Variants in DPP4 observed in about 807,000 individuals in gnomAD.
DPP4 encodes the protein dipeptidyl peptidase 4.
In DPP4, 93 loss-of-function variants were observed where a neutral mutation model predicts 122.4. The observed-to-expected ratio is 0.76, with a 90% confidence interval of 0.64 to 0.90. DPP4 has a LOEUF of 0.90. DPP4 is among the 40% of genes least tolerant of loss of function. The pLI is 0.00. For synonymous variants in DPP4, 321 were observed against 302.9 expected, an observed-to-expected ratio of 1.06 and a Z score of -0.62; for missense variants, 914 against 907.3, an observed-to-expected ratio of 1.01 and a Z score of -0.09.
chr2:162,049,764 T>G (rs1397519685), intron 2 of DPP4, among the ~76,000 whole-genome samples: 1 of 152,184 alleles, frequency 6.6e-6, no homozygotes, highest in African/African-American at 2.4e-5. Context: ...AAATACAGGT[T>G]CAAGTTGTAG....
chr2:162,028,072 C>CAA (rs1218962922), intron 10 of DPP4, among the ~76,000 whole-genome samples: 1 of 145,738 alleles, frequency 6.9e-6, no homozygotes, highest in Non-Finnish European at 1.5e-5. Context: ...AAAAAAAAAA[C>CAA]AAAAAACTGC....
At chr2:162,036,064 T>G (rs1219609294) in intron 8 of DPP4, among the ~76,000 whole-genome samples, 1 of 152,190 alleles carries the variant, frequency 6.6e-6, no homozygotes, top group South Asian at 2.1e-4. Context: ...ATGATTATTA[T>G]GGGGTCTATA....
chr2:162,038,563 C>A, intron 7 of DPP4, 141 bp from the exon 8 acceptor site: 1 of 896,588 alleles, frequency 1.1e-6, no homozygotes, highest in South Asian at 1.7e-5. Flanking sequence ...TCATTTACTC[C>A]TTCCCTCTCA....
At chr2:162,051,693 G>A (rs1684388698) in intron 2 of DPP4, among the ~76,000 whole-genome samples, 1 of 152,172 alleles carries the variant, frequency 6.6e-6, no homozygotes, top group Non-Finnish European at 1.5e-5. Flanking sequence ...ACACAGGGGT[G>A]GTGGAGGAAA....
chr2:162,035,257 T>C lies in DPP4; in HGVS notation c.681A>G (p.Gln227=). 3 of 1,614,022 alleles carry C rather than the reference T, an allele frequency of 1.9e-6. No homozygotes were observed. The highest frequency in any genetic ancestry group is 1.1e-5 in the South Asian group (1 of 91,072). Residue 227 remains glutamine (Q), a synonymous_variant, in exon 9 of 26, where the codon CAA becomes CAG. Coordinates refer to ENST00000360534, the MANE Select transcript of DPP4 (RefSeq NM_001935.4). ...SPNGTFLAYA[Q]FNDTEVPLIE... ...TAAGTGGGACTTCTGTGTCGTTAAA[T>C]TGGGCATATGCTAAAAAAGTGCCGT...
Position 161,995,331 on chromosome 2 carries a change from A to G in DPP4, c.2094T>C (p.Val698=), listed in dbSNP as rs750468748. The G allele has an allele frequency of 1.2e-6, 2 of 1,614,076 alleles. No individual in the cohort carries two copies. The highest frequency in any genetic ancestry group is 4.5e-5 in the East Asian group (2 of 44,890). Residue 698 remains valine (V), a synonymous_variant, in exon 24 of 26, where the codon GTT becomes GTC. Coordinates refer to ENST00000360534, the MANE Select transcript of DPP4 (RefSeq NM_001935.4). ...VMSRAENFKQ[V]EYLLIHGTAD... is the part of the protein sequence containing the mutation. ...CTGTTCCATGAATAAGGAGGTACTC[A>G]ACTTGTTTAAAATTTTCAGCTCTGC... is the stretch of plus-strand genomic sequence containing the variant.
chr2:162,003,171 G>C (rs1482628260), intron 23 of DPP4, among the ~76,000 whole-genome samples: 1 of 152,204 alleles, frequency 6.6e-6, no homozygotes, highest in Non-Finnish European at 1.5e-5. Flanking sequence ...TGAAGTGAAA[G>C]AGTGACTTTG....
In DPP4 at chr2:162,073,380, T is replaced by G. The variant is rs201960249; in HGVS notation, c.94+19A>C. ...CTGAGCTCCAACTGTCCTATCTTTT[T>G]CAAATGTTTCAAACTTACTGCCTTT... is the stretch of plus-strand genomic sequence containing the variant. On this transcript the variant is annotated intron_variant, in intron 2 of 25. Coordinates refer to ENST00000360534, the MANE Select transcript of DPP4 (RefSeq NM_001935.4). 6.2e-7 allele frequency: 1 copy of G among 1,613,470 alleles called. No individual in the cohort carries two copies. The highest frequency in any genetic ancestry group is 2.2e-5 in the East Asian group (1 of 44,880).
At chr2:162,013,096 AT>A (rs1419618876) in intron 19 of DPP4, among the ~76,000 whole-genome samples, 2 of 152,054 alleles carry the variant, frequency 1.3e-5, no homozygotes, top group South Asian at 2.1e-4. Flanking sequence ...AGGTATATAT[AT>A]CAAGTTCCCT....
rs138320647 is a variant in DPP4, at chr2:162,033,862, GTATATATA to G, written c.775-217_775-210del. On this transcript the variant is annotated intron_variant, in intron 9 of 25. Transcript: ENST00000360534. Reference sequence around the variant, plus strand: ...ATGGTCAGGCAGAAACAGAATATGTGTATATATATATATATATATATATATATATATAC... The same window carrying G: ...ATGGTCAGGCAGAAACAGAATATGTGTATATATATATATATATATATATAC... 8.3e-3 allele frequency among the ~76,000 whole-genome samples: 864 copies of G among 104,036 alleles called. 8 individuals are homozygous for G. The highest frequency in any genetic ancestry group is 0.011 in the Non-Finnish European group (614 of 53,562). The allele number at this position is 104,036 out of a possible 152,430, so 68.3% of individuals were successfully genotyped here.
chr2:161,994,866 G>T, intron 25 of DPP4, 95 bp downstream of exon 25: 2 of 1,194,480 alleles, frequency 1.7e-6, no homozygotes, highest in Non-Finnish European at 2.5e-6. Flanking sequence ...TTTTTATTCT[G>T]TCCTGTCTGT....
intron 5 of DPP4, among the ~76,000 whole-genome samples, chr2:162,039,696 C>A (rs1304280423): frequency 6.6e-6 from 1 of 151,826 alleles, no homozygotes; most frequent in Non-Finnish European, 1.5e-5. Flanking sequence ...TTTTAACAAC[C>A]ATCTCAAAAA....
At chr2:162,045,786 C>T (rs528873779) in intron 4 of DPP4, among the ~76,000 whole-genome samples, 174 bp from the exon 5 acceptor site, 74 of 152,128 alleles carry the variant, frequency 4.9e-4, no homozygotes, top group East Asian at 1.7e-3. Flanking sequence ...AGGTAGGTGG[C>T]GATCAATGTT....
rs377724471 is a variant in DPP4, at chr2:162,046,986, G to A, written c.214C>T (p.Gln72Ter). 1 of 1,589,934 alleles carries A rather than the reference G, an allele frequency of 6.3e-7. No homozygotes were observed. Among genetic ancestry groups the A allele is most frequent in the African/African-American group, 1.3e-5 (1 of 74,288 alleles). Residue 72 changes from glutamine (Q) to a stop codon, truncating the protein, a stop_gained, in exon 4 of 26, where the codon CAA becomes TAA. Coordinates refer to ENST00000360534, the MANE Select transcript of DPP4 (RefSeq NM_001935.4). LOFTEE classifies it high-confidence loss of function. ...WISDHEYLYK[Q>*]ENNILVFNAE... ...TTGAATACCAAGATATTATTTTCTT[G>A]TTTGTAGAGATATTCATGATCTAAA...
chr2:161,998,710 G>A (rs1368758209), intron 23 of DPP4, among the ~76,000 whole-genome samples: 1 of 152,082 alleles, frequency 6.6e-6, no homozygotes, highest in African/African-American at 2.4e-5. Flanking sequence ...TAAATGGAGT[G>A]AATACAGGCT....
intron 2 of DPP4, among the ~76,000 whole-genome samples, chr2:162,050,950 G>A (rs1684362062): frequency 6.6e-6 from 1 of 152,158 alleles, no homozygotes; most frequent in Non-Finnish European, 1.5e-5. Context: ...AGTTCGGCCT[G>A]GGACATGTTC....
At chr2:162,029,971 C>T (rs1683484058) in intron 10 of DPP4, among the ~76,000 whole-genome samples, 1 of 152,158 alleles carries the variant, frequency 6.6e-6, no homozygotes, top group African/African-American at 2.4e-5. Context: ...ATCCATCCAT[C>T]CTCTGCTTAT....
intron 2 of DPP4, among the ~76,000 whole-genome samples, chr2:162,064,125 C>T (rs560355629): frequency 9.9e-5 from 15 of 152,202 alleles, no homozygotes; most frequent in Non-Finnish European, 1.3e-4. Context: ...AAACAGGAAG[C>T]CAGGTCCTTA....
chr2:162,062,153 A>C (rs1434400672), intron 2 of DPP4, among the ~76,000 whole-genome samples: 2 of 151,484 alleles, frequency 1.3e-5, no homozygotes, highest in Admixed American at 6.6e-5. Context: ...GTGGTGGTGC[A>C]CACCTATAGT....
Sources: allele counts gnomAD v4.1 joint callset (sites outside exome capture counted in the v4.1 genomes callset), GRCh38; gene constraint gnomAD v4.1.1; transcripts MANE v1.5; gene names NCBI Gene and HGNC (gene_info 2026-07-23, HGNC 2026-07-21).